The following DMD variants were observed in gnomAD, a reference collection of about 807,000 sequenced individuals.
The protein encoded by DMD is mutant dystrophin.
Under a neutral mutation model 330.1 loss-of-function variants are expected in DMD, and 63 were observed. The ratio of observed to expected loss-of-function variants is 0.19; its 90% confidence interval spans 0.16 to 0.24. DMD has a LOEUF of 0.24. Among genes scored for constraint, DMD ranks in the 10% least tolerant of loss-of-function variants. The pLI is 1.00. For missense variants in DMD, 3,344 were observed against 2,684.1 expected (o/e 1.25, Z -5.43); for synonymous variants, 1,223 against 959.8 (o/e 1.27, Z -5.07).
chrX:32,358,386 G>C (rs891381043), intron 37 of DMD, among the ~76,000 whole-genome samples: 1 of 111,215 alleles, frequency 9.0e-6, no homozygotes, highest in Non-Finnish European at 1.9e-5. Flanking sequence ...CCCTAAAACA[G>C]AGACAGTTGA....
At chrX:33,194,701 G>A (rs1404593853) in intron 1 of DMD, among the ~76,000 whole-genome samples, 2 of 110,399 alleles carry the variant, frequency 1.8e-5, no homozygotes, top group Non-Finnish European at 1.9e-5. Context: ...AGGTCAGAGG[G>A]CCTACTACTT....
At chrX:33,048,333 C>G (rs945690001) in intron 1 of DMD, among the ~76,000 whole-genome samples, 1 of 111,417 alleles carries the variant, frequency 9.0e-6, no homozygotes, top group Admixed American at 9.6e-5. Flanking sequence ...GTCGTAACTA[C>G]AACACAATCA....
intron 18 of DMD, among the ~76,000 whole-genome samples, chrX:32,511,156 G>A (rs1389481397): frequency 1.8e-5 from 2 of 109,888 alleles, no homozygotes; most frequent in East Asian, 2.9e-4. Context: ...CCAAATTCCA[G>A]TATTTCAATA....
chrX:31,758,475 T>C (rs2089309820), intron 51 of DMD, among the ~76,000 whole-genome samples: 1 of 111,431 alleles, frequency 9.0e-6, no homozygotes, highest in Admixed American at 9.6e-5. Context: ...AATTTGAATC[T>C]ATTAAGAAAA....
chrX:32,546,142 C>CACCTCAAT (rs201304434), intron 16 of DMD, among the ~76,000 whole-genome samples: 1,089 of 102,500 alleles, frequency 0.011, 19 homozygotes, highest in African/African-American at 0.037. Flanking sequence ...GAGAGGCCAT[C>CACCTCAAT]ACCTCAATAC....
At chrX:32,576,877 C>G (rs2053117028) in intron 13 of DMD, among the ~76,000 whole-genome samples, 1 of 111,179 alleles carries the variant, frequency 9.0e-6, no homozygotes, top group Non-Finnish European at 1.9e-5. Flanking sequence ...CAGCTAATAT[C>G]TAGGTTACAG....
At chrX:31,221,534 A>C (rs1003909828) in intron 64 of DMD, among the ~76,000 whole-genome samples, 2 of 112,721 alleles carry the variant, frequency 1.8e-5, no homozygotes, top group Admixed American at 9.3e-5. Flanking sequence ...ACATTCTTTG[A>C]ATCTCATTCC....
At chrX:31,716,824 AAT>A (rs1466897002) in intron 52 of DMD, among the ~76,000 whole-genome samples, 1 of 93,807 alleles carries the variant, frequency 1.1e-5, no homozygotes, top group Non-Finnish European at 2.1e-5. Context: ...AGTATATAAG[AAT>A]ACACACACAC....
chrX:33,042,426 T>C (rs1267239256), intron 1 of DMD, among the ~76,000 whole-genome samples: 1 of 112,500 alleles, frequency 8.9e-6, no homozygotes, highest in African/African-American at 3.2e-5. Flanking sequence ...TGCAGCCTTT[T>C]GTAGAGGGGC....
intron 43 of DMD, among the ~76,000 whole-genome samples, chrX:32,284,573 A>G (rs762919353): frequency 8.9e-6 from 1 of 111,804 alleles, no homozygotes; most frequent in Non-Finnish European, 1.9e-5. Context: ...CAACCCACTA[A>G]GCTCCCCACA....
intron 67 of DMD, among the ~76,000 whole-genome samples, chrX:31,201,592 T>C (rs1785860557): frequency 8.9e-6 from 1 of 111,859 alleles, no homozygotes; most frequent in African/African-American, 3.2e-5. Flanking sequence ...AGAAATGGAA[T>C]AGGTTGGTCT....
intron 9 of DMD, among the ~76,000 whole-genome samples, chrX:32,686,559 CAAAAA>C (rs750534167): frequency 3.5e-5 from 1 of 28,584 alleles, no homozygotes; most frequent in African/African-American, 1.3e-4. Flanking sequence ...AACTCCATCT[CAAAAA>C]AAAAAAAAAA....
intron 57 of DMD, among the ~76,000 whole-genome samples, chrX:31,483,825 G>C (rs752271808): frequency 1.8e-5 from 2 of 111,965 alleles, no homozygotes; most frequent in Non-Finnish European, 1.9e-5. Context: ...CTTATCATGT[G>C]GGAAAAACTA....
At chrX:31,711,640 G>GTT (rs989030992) in intron 52 of DMD, among the ~76,000 whole-genome samples, 1 of 103,773 alleles carries the variant, frequency 9.6e-6, no homozygotes, top group African/African-American at 3.5e-5. Flanking sequence ...TTATTGCCAA[G>GTT]TTTTTTTTTT....
intron 47 of DMD, among the ~76,000 whole-genome samples, chrX:31,917,113 A>G (rs1000407312): frequency 1.8e-5 from 2 of 111,443 alleles, no homozygotes; most frequent in Non-Finnish European, 1.9e-5. Flanking sequence ...CAAGGGGACC[A>G]GGGAACCAGC....
chrX:32,992,906 C>CAA lies in DMD; in HGVS notation c.93+27231_93+27232dup, dbSNP rs34177386. ...GGGCAACAAAAGCCAAGCTCTGTCTCAAAAAAAAAAAAAAAAAAAAACTGT... is the reference window on the plus strand; with the variant it reads ...GGGCAACAAAAGCCAAGCTCTGTCTCAAAAAAAAAAAAAAAAAAAAAAACTGT... On this transcript the variant is annotated intron_variant, in intron 2 of 78. Coordinates refer to ENST00000357033, the MANE Select transcript of DMD (RefSeq NM_004006.3). Among the ~76,000 whole-genome samples the CAA allele has an allele frequency of 8.6e-3, 303 of 35,380 alleles. 2 individuals are homozygous for CAA. Among genetic ancestry groups the CAA allele is most frequent in the African/African-American group, 0.024 (276 of 11,433 alleles). The allele number at this position is 35,380 out of a possible 115,157, so 30.7% of individuals were successfully genotyped here.
intron 30 of DMD, among the ~76,000 whole-genome samples, chrX:32,404,485 G>T (rs1000402238): frequency 4.5e-5 from 5 of 111,075 alleles, no homozygotes; most frequent in Non-Finnish European, 9.4e-5. Context: ...AATTCTTTGG[G>T]AAAAAACAAA....
chrX:32,743,336 T>A (rs952450545), intron 7 of DMD, among the ~76,000 whole-genome samples: 4 of 111,836 alleles, frequency 3.6e-5, no homozygotes, highest in Non-Finnish European at 7.5e-5. Context: ...TTCATTGACT[T>A]TCCTTCCTTC....
At chrX:33,202,742 T>C (rs2051348811) in intron 1 of DMD, among the ~76,000 whole-genome samples, 1 of 111,899 alleles carries the variant, frequency 8.9e-6, no homozygotes, top group African/African-American at 3.2e-5. Flanking sequence ...TCATAAGTAA[T>C]CATTTATGAT....
Sources: allele counts gnomAD v4.1 joint callset (sites outside exome capture counted in the v4.1 genomes callset), GRCh38; gene constraint gnomAD v4.1.1; transcripts MANE v1.5; gene names NCBI Gene and HGNC (gene_info 2026-07-23, HGNC 2026-07-21).